SGCZ: variants seen among roughly 807,000 people sequenced by gnomAD.
SGCZ encodes the protein sarcoglycan zeta, also known as zeta-sarcoglycan.
A neutral mutation model predicts 41.3 loss-of-function variants in SGCZ; 40 were observed. The observed-to-expected ratio is 0.97, with a 90% confidence interval of 0.75 to 1.26. The LOEUF (loss-of-function observed/expected upper bound fraction) is 1.26. SGCZ is among the 50% of genes most tolerant of loss of function. The pLI is 0.00. For missense variants in SGCZ, 552 were observed against 369.8 expected (o/e 1.49, Z -4.04); for synonymous variants, 206 against 137.5 (o/e 1.50, Z -3.49).
At chr8:14,738,541 A>T (rs528278305) in intron 1 of SGCZ, among the ~76,000 whole-genome samples, 42 of 152,210 alleles carry the variant, frequency 2.8e-4, no homozygotes, top group Non-Finnish European at 4.6e-4. Context: ...CAGTGTACCT[A>T]GCTCGTAAAA....
intron 2 of SGCZ, among the ~76,000 whole-genome samples, chr8:14,449,972 T>C (rs936868581): frequency 4.6e-5 from 7 of 152,178 alleles, no homozygotes; most frequent in African/African-American, 1.4e-4. Flanking sequence ...ATGTAGCATA[T>C]AATGGTGCAT....
Position 14,551,023 on chromosome 8 carries a change from C to A in SGCZ, c.234+3709G>T, listed in dbSNP as rs1365536596. Among the ~76,000 whole-genome samples, 3 of 151,718 alleles carry A rather than the reference C, an allele frequency of 2.0e-5. No homozygotes were observed. The South Asian group carries it at 6.2e-4, about 31-fold the overall frequency. On this transcript the variant is annotated intron_variant, in intron 2 of 7. Transcript: ENST00000382080. ...ATTAATCAATTGCTTCAATTATTAC[C>A]CAGGTCTGGGTATTCTTGACTTCTC...
At chr8:15,150,422 C>T (rs1425598656) in intron 1 of SGCZ, among the ~76,000 whole-genome samples, 1 of 152,096 alleles carries the variant, frequency 6.6e-6, no homozygotes, top group Non-Finnish European at 1.5e-5. Context: ...CCTTCGATGC[C>T]CTGGGGCCAT....
intron 1 of SGCZ, among the ~76,000 whole-genome samples, chr8:14,650,208 C>G (rs1351358070): frequency 6.6e-6 from 1 of 151,950 alleles, no homozygotes; most frequent in South Asian, 2.1e-4. Context: ...GGATAACAGA[C>G]ACTACAGCCA....
intron 1 of SGCZ, among the ~76,000 whole-genome samples, chr8:14,638,837 T>C (rs920781691): frequency 6.6e-6 from 1 of 151,762 alleles, no homozygotes; most frequent in Admixed American, 6.6e-5. Context: ...TTGGAAACAT[T>C]ATTTTCTTTT....
At position 14,242,403 on chromosome 8, in the gene SGCZ, T is replaced by C. The variant is rs748605213; in HGVS notation, c.337-4724A>G. Among the ~76,000 whole-genome samples the C allele has an allele frequency of 1.2e-4, 18 of 152,284 alleles. No individual in the cohort carries two copies. The East Asian group carries it at 2.5e-3, about 21-fold the overall frequency. On this transcript the variant is annotated intron_variant, in intron 3 of 7. Transcript: ENST00000382080. Reference sequence around the variant, plus strand: ...ACGAAGGGTCAAGATAATAACATGATTGTAAGACAGACAGGGGACCCTGAC... The same window carrying C: ...ACGAAGGGTCAAGATAATAACATGACTGTAAGACAGACAGGGGACCCTGAC...
intron 4 of SGCZ, among the ~76,000 whole-genome samples, chr8:14,207,798 G>A (rs574230913): frequency 6.6e-6 from 1 of 152,216 alleles, no homozygotes; most frequent in East Asian, 1.9e-4. Context: ...AACTCATGAA[G>A]GGCAGGGATC....
At chr8:14,288,805 G>C (rs1204084053) in intron 3 of SGCZ, among the ~76,000 whole-genome samples, 1 of 152,120 alleles carries the variant, frequency 6.6e-6, no homozygotes, top group Non-Finnish European at 1.5e-5. Flanking sequence ...GTTAGGAGTA[G>C]AATTGATAAG....
At chr8:14,582,679 C>CT (rs2117263387) in intron 1 of SGCZ, among the ~76,000 whole-genome samples, 1 of 121,792 alleles carries the variant, frequency 8.2e-6, no homozygotes, top group African/African-American at 3.2e-5. Flanking sequence ...CCACAACAGT[C>CT]CCCAGAGTGT....
chr8:15,143,224 T>C (rs571495187), intron 1 of SGCZ, among the ~76,000 whole-genome samples: 2 of 152,222 alleles, frequency 1.3e-5, no homozygotes, highest in African/African-American at 4.8e-5. Flanking sequence ...AATAAAAGTC[T>C]AGTTCTCCAG....
In SGCZ at chr8:14,433,250, A is replaced by C. The variant is rs1281652991; in HGVS notation, c.235-109046T>G. On this transcript the variant is annotated intron_variant, in intron 2 of 7. Coordinates refer to ENST00000382080, the MANE Select transcript of SGCZ (RefSeq NM_139167.4). ...CTGCCCAAAGTTTGCCTGCAATCTGAATAAAGATAACATTTAAACAATACA... is the reference window on the plus strand; with the variant it reads ...CTGCCCAAAGTTTGCCTGCAATCTGCATAAAGATAACATTTAAACAATACA... 2.0e-5 allele frequency among the ~76,000 whole-genome samples: 3 copies of C among 152,316 alleles called. No individual in the cohort carries two copies. In the East Asian group the frequency reaches 5.8e-4, roughly 29 times the overall value.
chr8:15,197,975 T>A (rs1037597835), intron 1 of SGCZ, among the ~76,000 whole-genome samples: 1 of 148,890 alleles, frequency 6.7e-6, no homozygotes, highest in Admixed American at 6.7e-5. Flanking sequence ...ATATATATAT[T>A]ATGTACAGAT....
intron 5 of SGCZ, among the ~76,000 whole-genome samples, chr8:14,153,926 CACACACACACACAG>C (rs1260562912): frequency 8.9e-6 from 1 of 111,788 alleles, no homozygotes; most frequent in Non-Finnish European, 1.7e-5. Flanking sequence ...CTCTCTCTCA[CACACACACACACAG>C]ACACACACAC....
chr8:14,777,064 T>A (rs906848948), intron 1 of SGCZ, among the ~76,000 whole-genome samples: 1 of 152,192 alleles, frequency 6.6e-6, no homozygotes, highest in African/African-American at 2.4e-5. Context: ...GAATCCCAAG[T>A]GTGGTGACTC....
intron 1 of SGCZ, among the ~76,000 whole-genome samples, chr8:14,630,081 A>T (rs958484013): frequency 6.6e-6 from 1 of 152,154 alleles, no homozygotes; most frequent in Admixed American, 6.6e-5. Flanking sequence ...TCCATGAGGA[A>T]GGTTTTCCTT....
intron 7 of SGCZ, among the ~76,000 whole-genome samples, chr8:14,096,721 A>G (rs1045284144): frequency 2.0e-5 from 3 of 152,076 alleles, no homozygotes; most frequent in African/African-American, 7.2e-5. Context: ...TCAGCTTTGT[A>G]TCTGTCTGGT....
chr8:14,761,060 T>C (rs1052023518), intron 1 of SGCZ, among the ~76,000 whole-genome samples: 34 of 152,198 alleles, frequency 2.2e-4, no homozygotes, highest in Non-Finnish European at 4.0e-4. Flanking sequence ...AAAGCTATTA[T>C]TTTCACAGAG....
At position 14,558,574 on chromosome 8, in the gene SGCZ, T is replaced by TAGAGAGAGAGAGAGAGACAGAG. The variant is rs1554539154; in HGVS notation, c.40-3649_40-3648insCTCTGTCTCTCTCTCTCTCTCT. ...TGGGTGACAGAATGAGAATGACTCT[T>TAGAGAGAGAGAGAGAGACAGAG]AGAGAGAGAGAGAGAGAGAGAGAGA... On this transcript the variant is annotated intron_variant, in intron 1 of 7. Transcript: ENST00000382080. Among the ~76,000 whole-genome samples the TAGAGAGAGAGAGAGAGACAGAG allele has an allele frequency of 1.2e-4, 12 of 99,812 alleles. No homozygotes were observed. The East Asian group carries it at 3.6e-3, about 30-fold the overall frequency. The allele number at this position is 99,812 out of a possible 152,430, so 65.5% of individuals were successfully genotyped here. A position where few individuals can be genotyped will look rare whatever the true frequency, so the allele number is the denominator to read the frequency against.
At chr8:14,297,799 T>C (rs1801063486) in intron 3 of SGCZ, among the ~76,000 whole-genome samples, 1 of 152,096 alleles carries the variant, frequency 6.6e-6, no homozygotes, top group African/African-American at 2.4e-5. Flanking sequence ...TAATGAAAAG[T>C]ATAAGCACAA....
Sources: allele counts gnomAD v4.1 joint callset (sites outside exome capture counted in the v4.1 genomes callset), GRCh38; gene constraint gnomAD v4.1.1; transcripts MANE v1.5; gene names NCBI Gene and HGNC (gene_info 2026-07-23, HGNC 2026-07-21).